The following HMCN2 variants were observed in gnomAD, a reference collection of about 807,000 sequenced individuals.
HMCN2 encodes the protein hemicentin 2, also known as hemicentin-2.
HMCN2 carries 325 observed loss-of-function variants against 377.5 expected under a neutral mutation model. The ratio of observed to expected loss-of-function variants is 0.86; its 90% CI spans 0.79 to 0.94. The LOEUF is 0.94. Among genes scored for constraint, HMCN2 ranks in the 40% least tolerant of loss-of-function variants. The pLI is 0.00. For missense variants in HMCN2, 4,543 were observed against 4,725.3 expected (o/e 0.96, Z 1.13); for synonymous variants, 2,007 against 2,046.8 (o/e 0.98, Z 0.53).
rs1051502770 is a variant in HMCN2 at position 130,349,572 on chromosome 9, G to C, written c.4339G>C (p.Glu1447Gln). The C allele has an allele frequency of 3.1e-6, 4 of 1,303,698 alleles. No homozygotes were observed. The African/African-American group carries it at 6.1e-5, about 20-fold the overall frequency. 80.8% of individuals were successfully genotyped at this position (1,303,698 alleles called of 1,614,324 possible). A position where few individuals can be genotyped will look rare whatever the true frequency, so the allele number is the denominator to read the frequency against. The change falls in exon 29 of 98, where the codon GAG becomes CAG. Residue 1447 changes from glutamate to glutamine, a missense_variant. By Grantham distance (29) the Glu-to-Gln change is conservative (BLOSUM62 2). Coordinates refer to ENST00000683500, the MANE Select transcript of HMCN2 (RefSeq NM_001291815.2). ...PSVLGAGAAQ[E>Q]VLGLAGADVE... is the part of the protein sequence containing the mutation. ...CGTGCTTGGAGCCGGGGCCGCTCAGGAGGTGCTAGGATTGGCCGGTGCAGA... is the reference window on the plus strand; with the variant it reads ...CGTGCTTGGAGCCGGGGCCGCTCAGCAGGTGCTAGGATTGGCCGGTGCAGA...
In HMCN2 at chr9:130,423,058, T is replaced by G. The variant is rs1844112455; in HGVS notation, c.13381+332T>G. 6.6e-6 allele frequency among the ~76,000 whole-genome samples: 1 copy of G among 152,172 alleles called. No homozygotes were observed. Among genetic ancestry groups the G allele is most frequent in the African/African-American group, 2.4e-5 (1 of 41,442 alleles). On this transcript the variant is annotated intron_variant, in intron 87 of 97. Coordinates refer to ENST00000683500, the MANE Select transcript of HMCN2 (RefSeq NM_001291815.2). The surrounding 1 kb of genome is among the most constrained non-coding windows in gnomAD (Gnocchi z 5.5). The stretch of plus-strand genomic sequence containing the variant: ...GCCACCGATGGCTCCCTGAGGCTTT[T>G]CCCCATTTAAGTTAAAGCTCAGGCT...
At chr9:130,375,177 C>A (rs967680187) in intron 49 of HMCN2, among the ~76,000 whole-genome samples, 5 of 152,206 alleles carry the variant, frequency 3.3e-5, no homozygotes, top group African/African-American at 1.2e-4. Flanking sequence ...AAGAAGAAAT[C>A]TTGGGACCAA....
In HMCN2 at chr9:130,395,112, G is replaced by A. The variant is rs12552510; in HGVS notation, c.10774+4G>A. ...AGCTTCCGGGTCAGGGTTCAAGGTAGGTGGTGGGGGTGGGGTGGGGGCAGG... is the reference window on the plus strand; with the variant it reads ...AGCTTCCGGGTCAGGGTTCAAGGTAAGTGGTGGGGGTGGGGTGGGGGCAGG... On this transcript the variant is annotated splice_donor_region_variant and intron_variant, in intron 70 of 97. Coordinates refer to ENST00000683500, the MANE Select transcript of HMCN2 (RefSeq NM_001291815.2). 30,928 of 1,276,288 alleles carry A rather than the reference G, an allele frequency of 0.024. 435 individuals carry two copies. Among genetic ancestry groups the A allele is most frequent in the Non-Finnish European group, 0.028 (27,935 of 982,284 alleles). 79.1% of individuals were successfully genotyped at this position (1,276,288 alleles called of 1,614,324 possible).
chr9:130,282,512 G>GTAATGAATTCCT (rs1353432953), intron 1 of HMCN2, among the ~76,000 whole-genome samples: 23 of 152,330 alleles, frequency 1.5e-4, no homozygotes, highest in African/African-American at 5.5e-4. Flanking sequence ...TTACTGTGTA[G>GTAATGAATTCCT]TTCAGAGGAA....
Position 130,360,412 on chromosome 9 carries a change from C to T in HMCN2, c.5774-16C>T. Reference sequence around the variant, plus strand: ...CTCTCTTCCTTTCCCCCTTGCATCTCTCTTCCTTTCCCCAGATGTCTCCTG... The same window carrying T: ...CTCTCTTCCTTTCCCCCTTGCATCTTTCTTCCTTTCCCCAGATGTCTCCTG... On this transcript the variant is annotated splice_polypyrimidine_tract_variant and intron_variant, in intron 37 of 97. Coordinates refer to ENST00000683500, the MANE Select transcript of HMCN2 (RefSeq NM_001291815.2). This position sits in a 1 kb window ranked among gnomAD's most constrained non-coding sequence, Gnocchi z 4.7. The T allele has an allele frequency of 1.6e-6, 2 of 1,273,766 alleles. No individual in the cohort carries two copies. The highest frequency in any genetic ancestry group is 2.1e-6 in the Non-Finnish European group (2 of 971,194). 78.9% of individuals were successfully genotyped at this position (1,273,766 alleles called of 1,614,324 possible).
Position 130,348,973 on chromosome 9 carries a change from C to T in HMCN2, c.4156-11C>T. On this transcript the variant is annotated splice_polypyrimidine_tract_variant and intron_variant, in intron 27 of 97. Coordinates refer to ENST00000683500, the MANE Select transcript of HMCN2 (RefSeq NM_001291815.2). The stretch of plus-strand genomic sequence containing the variant: ...CCCTCTTACTGGCTCCCTCTGGCCT[C>T]TCCTACCCAGATTCCTAAGGTGGGC... 1 of 1,303,704 alleles carries T rather than the reference C, an allele frequency of 7.7e-7. No homozygotes were observed. The highest frequency in any genetic ancestry group is 2.1e-4 in the Middle Eastern group (1 of 4,684). The allele number at this position is 1,303,704 out of a possible 1,614,324, so 80.8% of individuals were successfully genotyped here. A position where few individuals can be genotyped will look rare whatever the true frequency, so the allele number is the denominator to read the frequency against.
chr9:130,432,252 G>A (rs151337884), intron 96 of HMCN2, among the ~76,000 whole-genome samples, 177 bp from the exon 97 acceptor site: 9 of 152,282 alleles, frequency 5.9e-5, no homozygotes, highest in Admixed American at 1.3e-4. Flanking sequence ...CGAGGGAGAT[G>A]AGAAGGTGCT....
intron 1 of HMCN2, among the ~76,000 whole-genome samples, chr9:130,278,827 C>T (rs1167745160): frequency 6.6e-6 from 1 of 151,662 alleles, no homozygotes; most frequent in Non-Finnish European, 1.5e-5. Context: ...GTGATCCACC[C>T]GCCTCGGCTT....
chr9:130,353,065 C>T lies in HMCN2; in HGVS notation c.4724C>T (p.Thr1575Ile). 1 of 1,304,254 alleles carries T rather than the reference C, an allele frequency of 7.7e-7. No individual in the cohort carries two copies. The highest frequency in any genetic ancestry group is 1.0e-6 in the Non-Finnish European group (1 of 988,936). The allele number at this position is 1,304,254 out of a possible 1,614,324, so 80.8% of individuals were successfully genotyped here. The change falls in exon 31 of 98, where the codon ACC becomes ATC. Residue 1575 changes from threonine (T) to isoleucine (I), a missense_variant. Transcript: ENST00000683500. Reference sequence around the variant, plus strand: ...TTCAAGGACGGGGCCCTGCTCCCCACCAGCACCAAGGTGGTCTACACTAGG... The same window carrying T: ...TTCAAGGACGGGGCCCTGCTCCCCATCAGCACCAAGGTGGTCTACACTAGG... ...TWFKDGALLP[T>I]STKVVYTRGG...
rs779777504 is a variant in HMCN2, at chr9:130,406,114, C to T, written c.12499C>T (p.Arg4167Trp). Residue 4167 changes from arginine to tryptophan, a missense_variant, in exon 82 of 98, where the codon CGG becomes TGG. Arg to Trp is a moderately radical substitution (Grantham distance 101). Coordinates refer to ENST00000683500, the MANE Select transcript of HMCN2 (RefSeq NM_001291815.2). ...GDRLWLRCAA[R>W]GSPTPRIGWT... ...CAGGCTGTGGCTTCGCTGTGCAGCC[C>T]GGGGCAGCCCCACCCCTCGCATTGG... 9.1e-5 allele frequency: 118 copies of T among 1,289,840 alleles called. No individual in the cohort carries two copies. In the African/African-American group the frequency reaches 9.4e-4, roughly 10 times the overall value. The allele number at this position is 1,289,840 out of a possible 1,614,324, so 79.9% of individuals were successfully genotyped here.
In HMCN2 at chr9:130,379,373, G is replaced by T; in HGVS notation, c.8337G>T (p.Leu2779=). 1.0e-6 allele frequency: 1 copy of T among 985,812 alleles called. No individual in the cohort carries two copies. The highest frequency in any genetic ancestry group is 4.7e-5 in the South Asian group (1 of 21,278). 61.1% of individuals were successfully genotyped at this position (985,812 alleles called of 1,614,324 possible). The stretch of plus-strand genomic sequence containing the variant: ...TCGTGGAGAACAACCCAGCCTACCT[G>T]TACTGCGACACCAACGCGATCCCAC... ...REIVENNPAY[L]YCDTNAIPPP... The change falls in exon 54 of 98, where the codon CTG becomes CTT. Residue 2779 remains leucine, a synonymous_variant. Coordinates refer to ENST00000683500, the MANE Select transcript of HMCN2 (RefSeq NM_001291815.2).
rs565616919 is a variant in HMCN2 at position 130,428,463 on chromosome 9, G to A, written c.14171G>A (p.Arg4724Gln). The A allele has an allele frequency of 2.3e-4, 357 of 1,543,524 alleles. No individual in the cohort carries two copies. The highest frequency in any genetic ancestry group is 7.8e-4 in the East Asian group (32 of 40,920). ...CTCCCCGACTGTGGGCCTGGCTTCC[G>A]GGTGGCTGATGGGGCCGGCTGTGAA... ...RCLPDCGPGFRVADGAGCEDV... is the reference protein window; with the variant it reads ...RCLPDCGPGFQVADGAGCEDV... The change falls in exon 93 of 98, where the codon CGG becomes CAG. Residue 4724 changes from arginine (R) to glutamine (Q), a missense_variant. Arg to Gln is a conservative substitution (Grantham distance 43). Transcript: ENST00000683500. This position sits in a 1 kb window ranked among gnomAD's most constrained non-coding sequence, Gnocchi z 5.0.
chr9:130,281,062 C>A (rs1448037119), intron 1 of HMCN2, among the ~76,000 whole-genome samples: 1 of 150,808 alleles, frequency 6.6e-6, no homozygotes, highest in Non-Finnish European at 1.5e-5. Flanking sequence ...GAGATTGTGC[C>A]ACTGTACTCC....
rs993655349 is a variant in HMCN2 at position 130,347,523 on chromosome 9, G to A, written c.4024+163G>A. On this transcript the variant is annotated intron_variant, in intron 26 of 97. Transcript: ENST00000683500. The surrounding 1 kb of genome is among the most constrained non-coding windows in gnomAD (Gnocchi z 5.1). ...GGTGTGGCAGTGCCAGTTCCCCGGG[G>A]CCTGAAAGCTTCCTACACAGGAGAA... Among the ~76,000 whole-genome samples, 2 of 152,118 alleles carry A rather than the reference G, an allele frequency of 1.3e-5. No individual in the cohort carries two copies. Among genetic ancestry groups the A allele is most frequent in the Non-Finnish European group, 2.9e-5 (2 of 68,018 alleles).
chr9:130,297,882 G>A lies in HMCN2; in HGVS notation c.1012+1088G>A, dbSNP rs145207945. Among the ~76,000 whole-genome samples, 935 of 152,274 alleles carry A rather than the reference G, an allele frequency of 6.1e-3. 6 individuals carry two copies. Among genetic ancestry groups the A allele is most frequent in the African/African-American group, 0.021 (892 of 41,560 alleles). ...TGGCGCGGGGACTGAAAACTGGCCT[G>A]TCCCCAGTGGAAGTGGGTGCAGGAG... On this transcript the variant is annotated intron_variant, in intron 7 of 97. Transcript: ENST00000683500.
chr9:130,287,649 C>T (rs1421827218), intron 4 of HMCN2, among the ~76,000 whole-genome samples: 3 of 151,098 alleles, frequency 2.0e-5, no homozygotes, highest in Admixed American at 6.6e-5. Flanking sequence ...TATAACTGTG[C>T]GATTATTAAA....
intron 45 of HMCN2, among the ~76,000 whole-genome samples, chr9:130,370,281 G>A (rs1333783869): frequency 1.3e-5 from 2 of 152,184 alleles, no homozygotes; most frequent in Non-Finnish European, 2.9e-5. Context: ...TAAAGGGTGA[G>A]TAGGAGTTAG....
rs1463004370 is a variant in HMCN2, at chr9:130,349,150, C to T, written c.4303+19C>T. The T allele has an allele frequency of 2.3e-6, 3 of 1,300,744 alleles. No homozygotes were observed. Among genetic ancestry groups the T allele is most frequent in the Non-Finnish European group, 2.0e-6 (2 of 986,752 alleles). 80.6% of individuals were successfully genotyped at this position (1,300,744 alleles called of 1,614,324 possible). A position where few individuals can be genotyped will look rare whatever the true frequency, so the allele number is the denominator to read the frequency against. On this transcript the variant is annotated intron_variant, in intron 28 of 97. Coordinates refer to ENST00000683500, the MANE Select transcript of HMCN2 (RefSeq NM_001291815.2). Reference sequence around the variant, plus strand: ...GTGCTCAGTGAGTGAGACCTGAGCCCTGTAACTCCCAAGTGTGTCTGGCCC... The same window carrying T: ...GTGCTCAGTGAGTGAGACCTGAGCCTTGTAACTCCCAAGTGTGTCTGGCCC...
intron 90 of HMCN2, 114 bp downstream of exon 90, chr9:130,426,038 CAG>C: frequency 1.3e-6 from 1 of 794,388 alleles, no homozygotes; most frequent in Non-Finnish European, 2.0e-6. Flanking sequence ...GACCATGGGC[CAG>C]AGACTTCAGA....
Sources: allele counts gnomAD v4.1 joint callset (sites outside exome capture counted in the v4.1 genomes callset), GRCh38; gene constraint gnomAD v4.1.1; non-coding constraint Gnocchi (gnomAD v3.1); transcripts MANE v1.5; gene names NCBI Gene and HGNC (gene_info 2026-07-23, HGNC 2026-07-21).